CSMD3: variants seen among roughly 807,000 people sequenced by gnomAD.
CSMD3 encodes CUB and Sushi multiple domains 3, also known as CUB and sushi domain-containing protein 3.
A neutral mutation model predicts 435.2 loss-of-function variants in CSMD3; 177 were observed. That is an observed-to-expected ratio of 0.41 (90% confidence interval 0.36 to 0.46). The LOEUF (loss-of-function observed/expected upper bound fraction) is 0.46. CSMD3 is among the 20% of genes least tolerant of loss of function. CSMD3 has a pLI of 0.34. For missense variants in CSMD3, 4,265 were observed against 4,504.6 expected, an observed-to-expected ratio of 0.95 and a Z score of 1.52; for synonymous variants, 1,656 against 1,520.5, an observed-to-expected ratio of 1.09 and a Z score of -2.07.
chr8:113,182,978 T>A (rs1284494405), intron 3 of CSMD3, among the ~76,000 whole-genome samples: 2 of 151,984 alleles, frequency 1.3e-5, no homozygotes, highest in South Asian at 2.1e-4. Flanking sequence ...TTACAATACA[T>A]AACCCCATGT....
At chr8:112,475,908 C>T (rs1435619239) in intron 31 of CSMD3, among the ~76,000 whole-genome samples, 1 of 152,108 alleles carries the variant, frequency 6.6e-6, no homozygotes, top group Non-Finnish European at 1.5e-5. Flanking sequence ...GCCACATATA[C>T]CTGTGGACCT....
chr8:113,318,786 A>ATATGTGTGTGTGTGTGTG (rs71566042), intron 1 of CSMD3, among the ~76,000 whole-genome samples: 33 of 140,156 alleles, frequency 2.4e-4, no homozygotes, highest in African/African-American at 7.7e-4. Context: ...GCTGAATAAG[A>ATATGTGTGTGTGTGTGTG]TGTGTGTGTG....
chr8:112,621,094 G>T (rs1364055369), intron 22 of CSMD3, among the ~76,000 whole-genome samples: 1 of 152,034 alleles, frequency 6.6e-6, no homozygotes, highest in Non-Finnish European at 1.5e-5. Context: ...AATTAGCTGG[G>T]TGTGGTGGCA....
Position 112,287,163 on chromosome 8 carries a change from C to G in CSMD3, c.9232G>C (p.Val3078Leu), listed in dbSNP as rs2130635183. Residue 3078 changes from valine to leucine, a missense_variant, in exon 58 of 71, where the codon GTA (valine) becomes CTA (leucine). Around this residue, in one of 3 missense-constraint regions of CSMD3, gnomAD observed 3,255 missense variants for 3,380.2 expected, o/e 0.96. Transcript: ENST00000297405. Reference sequence around the variant, plus strand: ...TAACCAGTATCACAAGCATAACGTACAGTACTTTTAGTTCTGAAATTGCTT... The same window carrying G: ...TAACCAGTATCACAAGCATAACGTAGAGTACTTTTAGTTCTGAAATTGCTT... ...QESNFRTKST[V>L]RYACDTGYIL... The G allele has an allele frequency of 1.2e-6, 2 of 1,613,734 alleles. No homozygotes were observed. Among genetic ancestry groups the G allele is most frequent in the Non-Finnish European group, 1.7e-6 (2 of 1,179,768 alleles).
At chr8:112,632,957 A>G (rs769969175) in intron 22 of CSMD3, among the ~76,000 whole-genome samples, 2 of 151,998 alleles carry the variant, frequency 1.3e-5, no homozygotes, top group Non-Finnish European at 2.9e-5. Flanking sequence ...CTTAACTAAA[A>G]TATCATTTTT....
chr8:112,674,706 T>C (rs1042019748), intron 16 of CSMD3, among the ~76,000 whole-genome samples: 3 of 152,130 alleles, frequency 2.0e-5, no homozygotes, highest in East Asian at 1.9e-4. Context: ...TTTTGTTCAA[T>C]AGGCATAGAA....
chr8:112,926,195 T>C (rs74724272), intron 9 of CSMD3, among the ~76,000 whole-genome samples: 3,083 of 152,198 alleles, frequency 0.02, 48 homozygotes, highest in Non-Finnish European at 0.029. Flanking sequence ...TATTAACTGT[T>C]TTAATATTTG....
At chr8:113,002,191 C>A (rs2085889228) in intron 6 of CSMD3, among the ~76,000 whole-genome samples, 1 of 152,056 alleles carries the variant, frequency 6.6e-6, no homozygotes, top group Admixed American at 6.6e-5. Context: ...TCATTTAACA[C>A]AATAGCCCTT....
intron 55 of CSMD3, 77 bp from the exon 56 acceptor site, chr8:112,291,772 A>G (rs1220563491): frequency 3.3e-6 from 3 of 918,572 alleles, no homozygotes; most frequent in Non-Finnish European, 5.1e-6. Context: ...TTAGAAATGT[A>G]CATACTTAGT....
At chr8:113,143,366 C>T (rs1464655507) in intron 4 of CSMD3, among the ~76,000 whole-genome samples, 1 of 151,308 alleles carries the variant, frequency 6.6e-6, no homozygotes, top group African/African-American at 2.4e-5. Flanking sequence ...TTACATATCA[C>T]CAGCGGAAAC....
chr8:113,003,424 T>C (rs370201872), intron 6 of CSMD3, among the ~76,000 whole-genome samples: 44 of 152,182 alleles, frequency 2.9e-4, no homozygotes, highest in Non-Finnish European at 4.9e-4. Context: ...ACTTTCCATG[T>C]TAGGATTTTC....
intron 2 of CSMD3, among the ~76,000 whole-genome samples, chr8:113,291,986 A>C (rs1563659522): frequency 6.6e-6 from 1 of 151,952 alleles, no homozygotes; most frequent in Non-Finnish European, 1.5e-5. Context: ...ATAATTGCAT[A>C]ATGTTTTTAA....
intron 38 of CSMD3, among the ~76,000 whole-genome samples, chr8:112,357,627 G>A (rs1212553625): frequency 6.6e-6 from 1 of 152,190 alleles, no homozygotes. Flanking sequence ...GCCAGGCCCA[G>A]GGTCCCCATG....
intron 3 of CSMD3, among the ~76,000 whole-genome samples, chr8:113,179,629 C>T (rs2092395516): frequency 6.6e-6 from 1 of 151,666 alleles, no homozygotes; most frequent in Non-Finnish European, 1.5e-5. Flanking sequence ...ATTCCAAGCA[C>T]AGTAGTTACC....
chr8:112,920,076 G>A (rs1235087979), intron 10 of CSMD3, among the ~76,000 whole-genome samples: 1 of 151,726 alleles, frequency 6.6e-6, no homozygotes, highest in African/African-American at 2.4e-5. Flanking sequence ...CAGCAAACAA[G>A]CCATCAGAAA....
At chr8:113,410,920 AG>A (rs2094556023) in intron 1 of CSMD3, among the ~76,000 whole-genome samples, 4 of 147,810 alleles carry the variant, frequency 2.7e-5, no homozygotes, top group African/African-American at 9.8e-5. Context: ...AAAGAAAGAA[AG>A]AAAGAAAGAA....
In CSMD3 at chr8:113,260,942, T is replaced by C. The variant is rs542760929; in HGVS notation, c.514+17650A>G. ...TGGTTGCATAGTATTCCATGGTGTA[T>C]ATGTGCCACATTTTCTTTATCCAGT... On this transcript the variant is annotated intron_variant, in intron 3 of 70. Coordinates refer to ENST00000297405, the MANE Select transcript of CSMD3 (RefSeq NM_198123.2). Among the ~76,000 whole-genome samples, 6 of 152,302 alleles carry C rather than the reference T, an allele frequency of 3.9e-5. No homozygotes were observed. In the South Asian group the frequency reaches 1.2e-3, roughly 32 times the overall value.
chr8:113,316,269 G>A (rs2093909192), intron 1 of CSMD3, among the ~76,000 whole-genome samples: 2 of 152,154 alleles, frequency 1.3e-5, no homozygotes, highest in South Asian at 4.1e-4. Context: ...GCTAATCTGA[G>A]GGAGAGAAGT....
chr8:112,454,847 T>G (rs1385241575), intron 32 of CSMD3, among the ~76,000 whole-genome samples: 2 of 151,886 alleles, frequency 1.3e-5, no homozygotes, highest in African/African-American at 4.8e-5. Context: ...TCTAAAAAAC[T>G]GGACTCAGCA....
Sources: gnomAD v4.1 joint callset for allele counts (sites outside exome capture counted in the v4.1 genomes callset) on GRCh38, gnomAD v4.1.1 for gene constraint, gnomAD v4.1.1 regional missense constraint, MANE v1.5 for transcripts, NCBI Gene and HGNC (gene_info 2026-07-23, HGNC 2026-07-21) for gene names.